The following HECW1 variants were observed in gnomAD, a reference collection of about 807,000 sequenced individuals.
HECW1 encodes the protein HECT, C2 and WW domain containing E3 ubiquitin protein ligase 1.
A neutral mutation model predicts 182.3 loss-of-function variants in HECW1; 61 were observed. The ratio of observed to expected loss-of-function variants is 0.33; its 90% confidence interval spans 0.27 to 0.41. The LOEUF (loss-of-function observed/expected upper bound fraction) is 0.41. Ranked by LOEUF, HECW1 falls within the 10% of genes least tolerant of loss-of-function variation. The probability of loss-of-function intolerance (pLI) is 1.00; values close to 1 mark genes in which losing one functional copy is unlikely to be tolerated. For missense variants in HECW1, 1,739 were observed against 2,108.9 expected, an observed-to-expected ratio of 0.82 and a Z score of 3.44; for synonymous variants, 859 against 832.6, an observed-to-expected ratio of 1.03 and a Z score of -0.55.
At chr7:43,483,594 G>A (rs1279073495) in intron 17 of HECW1, among the ~76,000 whole-genome samples, 1 of 138,424 alleles carries the variant, frequency 7.2e-6, no homozygotes, top group Non-Finnish European at 1.5e-5. Context: ...TGTCACCCAG[G>A]CTGGAGTGCA....
intron 6 of HECW1, among the ~76,000 whole-genome samples, chr7:43,379,069 ACAAAACCCATCACCCTCACCTGG>A (rs1387575374): frequency 1.3e-5 from 2 of 152,120 alleles, no homozygotes; most frequent in East Asian, 3.9e-4. Flanking sequence ...CTGAAGTAAA[ACAAAACCCATCACCCTCACCTGG>A]CAAAACCCCA....
chr7:43,263,620 A>G (rs1429422521), intron 3 of HECW1, among the ~76,000 whole-genome samples: 1 of 152,144 alleles, frequency 6.6e-6, no homozygotes, highest in Non-Finnish European at 1.5e-5. Context: ...CAGCCTCCCA[A>G]AGTGCTGGGA....
intron 24 of HECW1, among the ~76,000 whole-genome samples, chr7:43,530,500 C>A (rs1326079208): frequency 8.0e-6 from 1 of 125,408 alleles, no homozygotes. Flanking sequence ...TTTTCCATAT[C>A]TTTTATGGAT....
chr7:43,132,174 G>T (rs111365106), intron 2 of HECW1, among the ~76,000 whole-genome samples: 330 of 125,716 alleles, frequency 2.6e-3, no homozygotes, highest in African/African-American at 9.4e-3. Flanking sequence ...GCGCCCCCCC[G>T]CCCCAAGTAA....
chr7:43,153,303 C>T (rs1311283468), intron 2 of HECW1, among the ~76,000 whole-genome samples: 1 of 152,124 alleles, frequency 6.6e-6, no homozygotes, highest in Non-Finnish European at 1.5e-5. Flanking sequence ...GTCTGGTCAG[C>T]ATTGGAAAAA....
intron 24 of HECW1, among the ~76,000 whole-genome samples, chr7:43,512,857 G>A (rs1170250503): frequency 1.3e-5 from 2 of 152,110 alleles, no homozygotes; most frequent in East Asian, 3.8e-4. Context: ...GGATTGACAC[G>A]GTACTCAGCT....
chr7:43,546,090 T>A (rs61574015), intron 26 of HECW1, among the ~76,000 whole-genome samples: 2 of 151,764 alleles, frequency 1.3e-5, no homozygotes, highest in Non-Finnish European at 2.9e-5. Context: ...CTTCTTCCCC[T>A]TCTGAACCTG....
intron 8 of HECW1, among the ~76,000 whole-genome samples, chr7:43,433,760 G>A (rs947352818): frequency 2.0e-5 from 3 of 152,160 alleles, no homozygotes; most frequent in Admixed American, 6.5e-5. Context: ...TTTCTGACCC[G>A]AGTGCCAGTA....
intron 2 of HECW1, among the ~76,000 whole-genome samples, chr7:43,233,488 A>C (rs1300742784): frequency 6.6e-6 from 1 of 152,192 alleles, no homozygotes; most frequent in Non-Finnish European, 1.5e-5. Context: ...ATGTAATTGG[A>C]AAAGGTGGTG....
chr7:43,362,519 G>C (rs562052525), intron 6 of HECW1, among the ~76,000 whole-genome samples: 1 of 152,328 alleles, frequency 6.6e-6, no homozygotes, highest in African/African-American at 2.4e-5. Flanking sequence ...TGAGAATCTA[G>C]GGAAGTGTCC....
At chr7:43,214,919 G>A (rs1562685239) in intron 2 of HECW1, among the ~76,000 whole-genome samples, 1 of 152,206 alleles carries the variant, frequency 6.6e-6, no homozygotes, top group Non-Finnish European at 1.5e-5. Context: ...GCGGGTGAGG[G>A]GGCCCATGAA....
chr7:43,367,288 T>C (rs1400731081), intron 6 of HECW1, among the ~76,000 whole-genome samples: 2 of 152,220 alleles, frequency 1.3e-5, no homozygotes, highest in Admixed American at 6.5e-5. Flanking sequence ...GAATTTATTT[T>C]TGCAGCATAT....
intron 8 of HECW1, among the ~76,000 whole-genome samples, chr7:43,412,216 T>G (rs1022002227): frequency 3.3e-5 from 5 of 152,122 alleles, no homozygotes; most frequent in Non-Finnish European, 5.9e-5. Flanking sequence ...ATGCAGTAAC[T>G]CTTCAACAAT....
intron 8 of HECW1, among the ~76,000 whole-genome samples, chr7:43,409,280 T>C (rs1042025264): frequency 1.3e-5 from 2 of 152,206 alleles, no homozygotes; most frequent in Admixed American, 1.3e-4. Context: ...TAGAATGGAA[T>C]AATGAATCTT....
chr7:43,428,671 G>A (rs141155481), intron 8 of HECW1, among the ~76,000 whole-genome samples: 96 of 152,314 alleles, frequency 6.3e-4, no homozygotes, highest in Non-Finnish European at 1.0e-3. Flanking sequence ...CACTGAAGAT[G>A]ACAGTTTATC....
chr7:43,554,588 G>A lies in HECW1; in HGVS notation c.4511-4G>A. The A allele has an allele frequency of 6.2e-7, 1 of 1,610,842 alleles. No individual in the cohort carries two copies. The highest frequency in any genetic ancestry group is 1.1e-5 in the South Asian group (1 of 90,346). Reference sequence around the variant, plus strand: ...GTCTTCCTCCCTCCCTTTGCCTCGTGCAGGTTACCACGATGGGCATCTTGT... The same window carrying A: ...GTCTTCCTCCCTCCCTTTGCCTCGTACAGGTTACCACGATGGGCATCTTGT... On this transcript the variant is annotated splice_region_variant and splice_polypyrimidine_tract_variant and intron_variant, in intron 28 of 29. Transcript: ENST00000395891.
chr7:43,506,177 C>A (rs2079569612), intron 21 of HECW1, among the ~76,000 whole-genome samples: 1 of 152,116 alleles, frequency 6.6e-6, no homozygotes, highest in Non-Finnish European at 1.5e-5. Flanking sequence ...AATATAAACT[C>A]CTAAATGCTC....
intron 24 of HECW1, among the ~76,000 whole-genome samples, chr7:43,537,843 G>A (rs2081232652): frequency 6.6e-6 from 1 of 152,158 alleles, no homozygotes; most frequent in African/African-American, 2.4e-5. Flanking sequence ...CGAGAAACCA[G>A]TGTAATTCTG....
At chr7:43,468,718 C>T (rs986128260) in intron 15 of HECW1, among the ~76,000 whole-genome samples, 5 of 152,118 alleles carry the variant, frequency 3.3e-5, no homozygotes, top group African/African-American at 4.8e-5. Flanking sequence ...GACAGGGTCT[C>T]GCTATGTAGC....
Sources: allele counts gnomAD v4.1 joint callset (sites outside exome capture counted in the v4.1 genomes callset), GRCh38; gene constraint gnomAD v4.1.1; transcripts MANE v1.5; gene names NCBI Gene and HGNC (gene_info 2026-07-23, HGNC 2026-07-21).